Variants in RGL1 observed in about 807,000 individuals in gnomAD.
RGL1 encodes the protein ral guanine nucleotide dissociation stimulator like 1.
In RGL1, 24 loss-of-function variants were observed where a neutral mutation model predicts 95.2. The ratio of observed to expected loss-of-function variants is 0.25; its 90% CI spans 0.18 to 0.35. The LOEUF is 0.35. RGL1 is among the 10% of genes least tolerant of loss of function. RGL1 has a pLI of 1.00. For missense variants in RGL1, 715 were observed against 936.3 expected, an observed-to-expected ratio of 0.76 and a Z score of 3.08; for synonymous variants, 329 against 344.9, an observed-to-expected ratio of 0.95 and a Z score of 0.51.
At chr1:183,693,010 A>G (rs994875888) in intron 1 of RGL1, among the ~76,000 whole-genome samples, 1 of 151,296 alleles carries the variant, frequency 6.6e-6, no homozygotes, top group Non-Finnish European at 1.5e-5. Context: ...GCTGGAGTGC[A>G]GTGGCACGAT....
intron 1 of RGL1, among the ~76,000 whole-genome samples, chr1:183,737,324 G>A (rs920538862): frequency 6.6e-6 from 1 of 152,202 alleles, no homozygotes; most frequent in Non-Finnish European, 1.5e-5. Context: ...AGGGTATGAA[G>A]CCATCAGCTG....
intron 3 of RGL1, among the ~76,000 whole-genome samples, chr1:183,852,363 A>T (rs1326451200): frequency 6.6e-6 from 1 of 152,046 alleles, no homozygotes; most frequent in Non-Finnish European, 1.5e-5. Flanking sequence ...TGGGGTGATC[A>T]TTTCCCAAGG....
intron 1 of RGL1, among the ~76,000 whole-genome samples, chr1:183,669,217 C>T (rs9633306): frequency 0.071 from 10,855 of 152,206 alleles, 668 homozygotes; most frequent in African/African-American, 0.17. Context: ...GCTGGGATTA[C>T]ATGGACATTT....
At chr1:183,760,491 G>A (rs1045084803) in intron 2 of RGL1, among the ~76,000 whole-genome samples, 2 of 151,556 alleles carry the variant, frequency 1.3e-5, no homozygotes, top group African/African-American at 4.9e-5. Flanking sequence ...CAGCGCTGTG[G>A]GAGGCTGAGG....
At chr1:183,873,178 C>T (rs1005935407) in intron 4 of RGL1, among the ~76,000 whole-genome samples, 13 of 152,118 alleles carry the variant, frequency 8.5e-5, no homozygotes, top group Non-Finnish European at 1.5e-4. Flanking sequence ...ATCAATCATA[C>T]GAGTATCTCC....
intron 3 of RGL1, among the ~76,000 whole-genome samples, chr1:183,864,848 G>GA (rs1171505286): frequency 6.6e-6 from 1 of 152,236 alleles, no homozygotes; most frequent in African/African-American, 2.4e-5. Context: ...ACACCAGATG[G>GA]ACTGGCGTTG....
intron 3 of RGL1, among the ~76,000 whole-genome samples, chr1:183,850,493 AG>A (rs201114731): frequency 0.014 from 2,076 of 152,318 alleles, 40 homozygotes; most frequent in African/African-American, 0.046. Context: ...AGATGCATAT[AG>A]AGTAAGATTA....
At chr1:183,925,950 G>T (rs961854219) in intron 17 of RGL1, among the ~76,000 whole-genome samples, 155 bp from the exon 18 acceptor site, 2 of 152,086 alleles carry the variant, frequency 1.3e-5, no homozygotes, top group African/African-American at 4.8e-5. Flanking sequence ...CAATTTTTGG[G>T]GTAGTGATGG....
chr1:183,738,711 G>A (rs1657100656), intron 1 of RGL1, among the ~76,000 whole-genome samples: 1 of 152,078 alleles, frequency 6.6e-6, no homozygotes, highest in South Asian at 2.1e-4. Context: ...GACCAGCCTG[G>A]CCAACATGGT....
intron 1 of RGL1, among the ~76,000 whole-genome samples, chr1:183,805,683 C>T (rs1661248085): frequency 6.6e-6 from 1 of 152,160 alleles, no homozygotes; most frequent in Admixed American, 6.5e-5. Context: ...TCCAGGGGGT[C>T]GCTGCACAGA....
chr1:183,910,447 G>A (rs1311705537), intron 14 of RGL1, among the ~76,000 whole-genome samples: 3 of 152,166 alleles, frequency 2.0e-5, no homozygotes, highest in Non-Finnish European at 4.4e-5. Flanking sequence ...AGTTTAAGTG[G>A]GAGTTTAGTC....
chr1:183,776,879 A>G (rs1372966685), intron 2 of RGL1, among the ~76,000 whole-genome samples: 1 of 152,084 alleles, frequency 6.6e-6, no homozygotes, highest in Non-Finnish European at 1.5e-5. Flanking sequence ...TTTTTGTACT[A>G]ATGTTGTGGT....
At chr1:183,778,401 A>T (rs535409524) in intron 2 of RGL1, among the ~76,000 whole-genome samples, 21 of 152,324 alleles carry the variant, frequency 1.4e-4, no homozygotes, top group African/African-American at 4.8e-4. Flanking sequence ...GAAGACATAA[A>T]AGAGTAGGGG....
intron 3 of RGL1, among the ~76,000 whole-genome samples, chr1:183,857,551 G>A (rs888328184): frequency 6.6e-6 from 1 of 152,148 alleles, no homozygotes; most frequent in Non-Finnish European, 1.5e-5. Flanking sequence ...TTCTGTTCAG[G>A]ACATCATGCC....
chr1:183,860,301 G>C (rs1479000374), intron 3 of RGL1, among the ~76,000 whole-genome samples: 1 of 152,102 alleles, frequency 6.6e-6, no homozygotes. Flanking sequence ...TTAATTCATT[G>C]AGCAAATATT....
chr1:183,757,765 G>A (rs536836662), intron 2 of RGL1, among the ~76,000 whole-genome samples: 9 of 152,174 alleles, frequency 5.9e-5, no homozygotes, highest in Non-Finnish European at 1.2e-4. Context: ...TACTCATAAG[G>A]ATTATGAAGA....
chr1:183,636,344 G>A (rs1244302094), exon 1 of RGL1: 2 of 395,428 alleles, frequency 5.1e-6, no homozygotes, highest in African/African-American at 4.1e-5. Flanking sequence ...ACTGTGCGCT[G>A]CTAGAGGCTG....
chr1:183,670,357 C>T (rs1376414971), intron 1 of RGL1, among the ~76,000 whole-genome samples: 1 of 152,192 alleles, frequency 6.6e-6, no homozygotes, highest in Non-Finnish European at 1.5e-5. Context: ...ACAGAATGCT[C>T]TGGCACATTT....
At chr1:183,880,283 T>C (rs1364276963) in intron 4 of RGL1, among the ~76,000 whole-genome samples, 1 of 152,234 alleles carries the variant, frequency 6.6e-6, no homozygotes, top group Non-Finnish European at 1.5e-5. Context: ...ACAGATTGCT[T>C]TGAAGTTTCT....
Sources: gnomAD v4.1 joint callset for allele counts (sites outside exome capture counted in the v4.1 genomes callset) on GRCh38, gnomAD v4.1.1 for gene constraint, MANE v1.5 for transcripts, NCBI Gene and HGNC (gene_info 2026-07-23, HGNC 2026-07-21) for gene names.